MAP9: variants seen among roughly 807,000 people sequenced by gnomAD.
MAP9 encodes microtubule associated protein 9, also known as microtubule-associated protein 9.
A neutral mutation model predicts 75.2 loss-of-function variants in MAP9; 80 were observed. That is an observed-to-expected ratio of 1.06 (90% CI 0.89 to 1.28). MAP9 has a LOEUF of 1.28. MAP9 is among the 50% of genes most tolerant of loss of function. The probability of loss-of-function intolerance (pLI) is 0.00; values close to 1 mark genes in which losing one functional copy is unlikely to be tolerated. For synonymous variants in MAP9, 235 were observed against 237.3 expected, an observed-to-expected ratio of 0.99 and a Z score of 0.09; for missense variants, 753 against 719.9, an observed-to-expected ratio of 1.05 and a Z score of -0.53.
rs988546878 is a variant in MAP9 at position 155,344,745 on chromosome 4, G to A, written c.*3038C>T. ...TAAAATGCCATATTGCATCTTTTAA[G>A]TTAAATAGCATTACCACTTTCTTCA... On this transcript the variant is annotated 3_prime_UTR_variant, in exon 14 of 14. Coordinates refer to ENST00000311277, the MANE Select transcript of MAP9 (RefSeq NM_001039580.2). 2.9e-4 allele frequency: 44 copies of A among 151,830 alleles called. No homozygotes were observed. The highest frequency in any genetic ancestry group is 1.0e-3 in the African/African-American group (43 of 41,394). 9.4% of individuals were successfully genotyped at this position (151,830 alleles called of 1,614,324 possible).
intron 6 of MAP9, among the ~76,000 whole-genome samples, 163 bp downstream of exon 6, chr4:155,361,885 G>A (rs1194366323): frequency 6.6e-6 from 1 of 151,964 alleles, no homozygotes; most frequent in Non-Finnish European, 1.5e-5. Context: ...ATTAAGTTCT[G>A]CATCCAAAAT....
intron 4 of MAP9, among the ~76,000 whole-genome samples, chr4:155,369,133 TAACACGGTGA>T (rs1219535936): frequency 8.6e-5 from 13 of 151,958 alleles, no homozygotes; most frequent in African/African-American, 3.1e-4. Flanking sequence ...CCAGCCTGGC[TAACACGGTGA>T]AACCCTGTCT....
At chr4:155,359,270 A>G (rs890722546) in intron 7 of MAP9, among the ~76,000 whole-genome samples, 2 of 151,490 alleles carry the variant, frequency 1.3e-5, no homozygotes, top group African/African-American at 4.9e-5. Context: ...AGCCACACAG[A>G]AAAGAAATAA....
chr4:155,360,139 G>A, intron 7 of MAP9, 29 bp downstream of exon 7: 1 of 1,590,260 alleles, frequency 6.3e-7, no homozygotes, highest in South Asian at 1.1e-5. Flanking sequence ...TTAAGCTGTA[G>A]TATGAAAAGT....
intron 2 of MAP9, 33 bp from the exon 3 acceptor site, chr4:155,375,054 A>G: frequency 6.9e-7 from 1 of 1,442,812 alleles, no homozygotes; most frequent in Non-Finnish European, 9.6e-7. Context: ...ATTTCCATCC[A>G]AACATGGAGG....
rs138794379 is a variant in MAP9 at position 155,368,613 on chromosome 4, T to A, written c.681A>T (p.Lys227Asn). The A allele has an allele frequency of 5.5e-5, 89 of 1,614,076 alleles. No homozygotes were observed. The African/African-American group carries it at 1.1e-3, about 20-fold the overall frequency. Reference sequence around the variant, plus strand: ...CAGGATCAAGGTTTTCAGAGAATGCTTTTTTCTCAGCTTCTAATTGTATGC... The same window carrying A: ...CAGGATCAAGGTTTTCAGAGAATGCATTTTTCTCAGCTTCTAATTGTATGC... ...PNGIQLEAEK[K>N]AFSENLDPED... The change falls in exon 5 of 14, where the codon AAA (lysine) becomes AAT (asparagine). Residue 227 changes from lysine to asparagine, a missense_variant. Coordinates refer to ENST00000311277, the MANE Select transcript of MAP9 (RefSeq NM_001039580.2).
rs1731212464 is a variant in MAP9, at chr4:155,344,404, G to T, written c.*3379C>A. On this transcript the variant is annotated 3_prime_UTR_variant, in exon 14 of 14. Transcript: ENST00000311277. ...AACTCTAGATGTACCATAGTTAGTTGTATGAGATTGGACAAGTCAAAGTAC... is the reference window on the plus strand; with the variant it reads ...AACTCTAGATGTACCATAGTTAGTTTTATGAGATTGGACAAGTCAAAGTAC... The T allele has an allele frequency of 6.6e-6, 1 of 151,946 alleles. No individual in the cohort carries two copies. Among genetic ancestry groups the T allele is most frequent in the African/African-American group, 2.4e-5 (1 of 41,422 alleles). The allele number at this position is 151,946 out of a possible 1,614,324, so 9.4% of individuals were successfully genotyped here. A position where few individuals can be genotyped will look rare whatever the true frequency, so the allele number is the denominator to read the frequency against.
rs758245628 is a variant in MAP9, at chr4:155,368,431, G to A, written c.708+155C>T. On this transcript the variant is annotated intron_variant, in intron 5 of 13. Transcript: ENST00000311277. The stretch of plus-strand genomic sequence containing the variant: ...AGTTTTAGACTCGGTGGAATACAGT[G>A]TATTTTTAAAAATTATTTCCTTATC... 29 of 668,384 alleles carry A rather than the reference G, an allele frequency of 4.3e-5. No individual in the cohort carries two copies. The South Asian group carries it at 5.2e-4, about 12-fold the overall frequency. 41.4% of individuals were successfully genotyped at this position (668,384 alleles called of 1,614,324 possible).
At chr4:155,374,867 G>T in intron 3 of MAP9, 70 bp downstream of exon 3, 2 of 933,762 alleles carry the variant, frequency 2.1e-6, no homozygotes, top group East Asian at 2.6e-5. Context: ...GTGGTTGGGG[G>T]GCTGGCTAAA....
Position 155,376,921 on chromosome 4 carries a change from C to T in MAP9, c.-215G>A, listed in dbSNP as rs1421432948. ...GCCGGGTCTCTCGGGTACCCAACAC[C>T]GCTCTTCGGCCCAACGTGTCGCTGG... is the stretch of plus-strand genomic sequence containing the variant. On this transcript the variant is annotated 5_prime_UTR_variant, in exon 1 of 14. Transcript: ENST00000311277. 3 of 152,624 alleles carry T rather than the reference C, an allele frequency of 2.0e-5. No individual in the cohort carries two copies. The highest frequency in any genetic ancestry group is 6.5e-5 in the Admixed American group (1 of 15,274). The allele number at this position is 152,624 out of a possible 1,614,324, so 9.5% of individuals were successfully genotyped here. A position where few individuals can be genotyped will look rare whatever the true frequency, so the allele number is the denominator to read the frequency against.
chr4:155,353,225 T>C lies in MAP9; in HGVS notation c.1496A>G (p.Lys499Arg), dbSNP rs1058992. 0.25 allele frequency: 401,935 copies of C among 1,605,364 alleles called. 58,372 individuals are homozygous for C. The highest frequency in any genetic ancestry group is 0.6 in the East Asian group (26,562 of 44,476). The change falls in exon 11 of 14, where the codon AAG becomes AGG. Residue 499 changes from lysine to arginine, a missense_variant. By Grantham distance (26) the Lys-to-Arg change is conservative (BLOSUM62 2). Coordinates refer to ENST00000311277, the MANE Select transcript of MAP9 (RefSeq NM_001039580.2). ...TGCAGCATTTTCTTCTTCAGTTTTC[T>C]TCTTGTTTTTTTCTTCAAGCCTCTT... is the stretch of plus-strand genomic sequence containing the variant. ...AKKRLEEKNK[K>R]KTEEENAARK... is the part of the protein sequence containing the mutation.
At chr4:155,352,277 T>G in intron 13 of MAP9, 1 of 243,516 alleles carries the variant, frequency 4.1e-6, no homozygotes, top group Middle Eastern at 1.4e-3. Context: ...TAAACTTGTC[T>G]TCTTTCTATG....
Position 155,362,061 on chromosome 4 carries a change from G to A in MAP9, c.789C>T (p.Asn263=), listed in dbSNP as rs199850447. 127 of 1,595,572 alleles carry A rather than the reference G, an allele frequency of 8.0e-5. No homozygotes were observed. In the African/African-American group the frequency reaches 1.4e-3, roughly 17 times the overall value. Residue 263 remains asparagine, a synonymous_variant, in exon 6 of 14, where the codon AAC becomes AAT. Coordinates refer to ENST00000311277, the MANE Select transcript of MAP9 (RefSeq NM_001039580.2). Reference sequence around the variant, plus strand: ...AGATATAACCACCTTTTCCAGATGCGTTTCCCTCAGATCCTGGTGAAAAAG... The same window carrying A: ...AGATATAACCACCTTTTCCAGATGCATTTCCCTCAGATCCTGGTGAAAAAG... The part of the protein sequence containing the change: ...GDSFSPGSEG[N]ASGKDPNEEI...
intron 4 of MAP9, among the ~76,000 whole-genome samples, chr4:155,371,290 A>C (rs1230018570): frequency 6.6e-6 from 1 of 152,084 alleles, no homozygotes; most frequent in Non-Finnish European, 1.5e-5. Flanking sequence ...TGTACAGAAA[A>C]AAAAAAAGTC....
intron 6 of MAP9, chr4:155,361,434 G>C (rs981644192): frequency 6.6e-6 from 1 of 152,026 alleles, no homozygotes; most frequent in Non-Finnish European, 1.5e-5. Context: ...CCTAGAAATA[G>C]CTATGTCTTT....
rs1732461975 is a variant in MAP9 at position 155,368,967 on chromosome 4, G to T, written c.482-155C>A. On this transcript the variant is annotated intron_variant, in intron 4 of 13. Coordinates refer to ENST00000311277, the MANE Select transcript of MAP9 (RefSeq NM_001039580.2). ...AGCCCACAACTCTTCTCTATACAGA[G>T]CTCTAGTAAGGCACAAATAAATGAT... is the stretch of plus-strand genomic sequence containing the variant. 3.5e-5 allele frequency: 21 copies of T among 602,282 alleles called. No individual in the cohort carries two copies. In the South Asian group the frequency reaches 4.9e-4, roughly 14 times the overall value. 37.3% of individuals were successfully genotyped at this position (602,282 alleles called of 1,614,324 possible).
chr4:155,359,484 A>C (rs1162481773), intron 7 of MAP9, among the ~76,000 whole-genome samples: 1 of 152,004 alleles, frequency 6.6e-6, no homozygotes, highest in East Asian at 1.9e-4. Flanking sequence ...AATGGGTACA[A>C]TGTACATTTT....
intron 10 of MAP9, among the ~76,000 whole-genome samples, chr4:155,354,607 G>A (rs889442874): frequency 2.0e-5 from 3 of 151,594 alleles, no homozygotes; most frequent in Non-Finnish European, 2.9e-5. Flanking sequence ...GGGATTACAG[G>A]TGCCCACCAC....
rs1338432839 is a variant in MAP9 at position 155,353,361 on chromosome 4, G to A, written c.1381-21C>T. 9 of 1,542,614 alleles carry A rather than the reference G, an allele frequency of 5.8e-6. No homozygotes were observed. In the South Asian group the frequency reaches 1.1e-4, roughly 20 times the overall value. ...TTTTTCTACAGTGGAAAAAATAATA[G>A]AGTGATATACATATATATGTATATA... On this transcript the variant is annotated intron_variant, in intron 10 of 13. Transcript: ENST00000311277.
Sources: gnomAD v4.1 joint callset for allele counts (sites outside exome capture counted in the v4.1 genomes callset) on GRCh38, gnomAD v4.1.1 for gene constraint, MANE v1.5 for transcripts, NCBI Gene and HGNC (gene_info 2026-07-23, HGNC 2026-07-21) for gene names.